The following ATP8B1 variants were observed in gnomAD, a reference collection of about 807,000 sequenced individuals.
ATP8B1 encodes ATPase phospholipid transporting 8B1.
ATP8B1 carries 80 observed loss-of-function variants against 149.9 expected under a neutral mutation model. The ratio of observed to expected loss-of-function variants is 0.53; its 90% CI spans 0.45 to 0.64. The LOEUF (loss-of-function observed/expected upper bound fraction) is 0.64, where lower values mean the gene tolerates loss of function less well. Ranked by LOEUF, ATP8B1 falls within the 30% of genes least tolerant of loss-of-function variation. The pLI, the probability that ATP8B1 is intolerant of heterozygous loss-of-function variation, is 0.00. For synonymous variants in ATP8B1, 536 were observed against 562.8 expected, an observed-to-expected ratio of 0.95 and a Z score of 0.67; for missense variants, 1,247 against 1,552.6, an observed-to-expected ratio of 0.80 and a Z score of 3.31.
chr18:57,704,504 G>T, intron 4 of ATP8B1, 51 bp downstream of exon 4: 2 of 1,211,318 alleles, frequency 1.7e-6, no homozygotes, highest in Non-Finnish European at 1.2e-6. Context: ...CAGCTTAAAT[G>T]TTATCGAGTC....
At chr18:57,759,466 C>T (rs1175977429) in intron 1 of ATP8B1, among the ~76,000 whole-genome samples, 1 of 152,096 alleles carries the variant, frequency 6.6e-6, no homozygotes, top group Admixed American at 6.6e-5. Flanking sequence ...CCTTGTGAAC[C>T]TTTAATCCCT....
chr18:57,787,734 CAG>C (rs1198039163), intron 1 of ATP8B1, among the ~76,000 whole-genome samples: 6 of 152,290 alleles, frequency 3.9e-5, no homozygotes, highest in Middle Eastern at 3.4e-3. Context: ...TGTCAAACCT[CAG>C]GGGTTAGATA....
chr18:57,701,799 G>A (rs961509786), intron 4 of ATP8B1, among the ~76,000 whole-genome samples: 4 of 151,622 alleles, frequency 2.6e-5, no homozygotes, highest in Admixed American at 1.3e-4. Flanking sequence ...AGGCTCAAGC[G>A]ATTCTCCTGC....
intron 15 of ATP8B1, among the ~76,000 whole-genome samples, chr18:57,680,070 G>A (rs1911851515): frequency 6.6e-6 from 1 of 150,768 alleles, no homozygotes. Flanking sequence ...GAGGTTAGGA[G>A]TTCAAGACAA....
chr18:57,661,908 C>A (rs1311238245), intron 21 of ATP8B1, among the ~76,000 whole-genome samples: 1 of 151,690 alleles, frequency 6.6e-6, no homozygotes, highest in Non-Finnish European at 1.5e-5. Flanking sequence ...TTAGTAGAGA[C>A]GGGGTTTCAC....
intron 1 of ATP8B1, among the ~76,000 whole-genome samples, chr18:57,783,874 AG>A (rs1264573795): frequency 2.0e-5 from 3 of 152,100 alleles, no homozygotes; most frequent in African/African-American, 7.2e-5. Flanking sequence ...TAAGCATTGA[AG>A]AAAACACAGA....
chr18:57,780,781 A>G (rs945960483), intron 1 of ATP8B1, among the ~76,000 whole-genome samples: 1 of 152,222 alleles, frequency 6.6e-6, no homozygotes, highest in African/African-American at 2.4e-5. Context: ...TTTCACCCCA[A>G]CAGAAGGAAG....
chr18:57,732,215 G>GTATATATA (rs2079783095), intron 1 of ATP8B1, among the ~76,000 whole-genome samples: 1 of 40,654 alleles, frequency 2.5e-5, no homozygotes, highest in African/African-American at 7.6e-5. Flanking sequence ...ATGTATATAT[G>GTATATATA]TGTATATATG....
At chr18:57,685,332 G>T (rs1010822692) in intron 13 of ATP8B1, among the ~76,000 whole-genome samples, 1 of 151,962 alleles carries the variant, frequency 6.6e-6, no homozygotes, top group African/African-American at 2.4e-5. Flanking sequence ...TTCTCCTAGG[G>T]GCCTGAATCA....
chr18:57,779,032 G>GTT (rs1414129960), intron 1 of ATP8B1, among the ~76,000 whole-genome samples: 1 of 152,162 alleles, frequency 6.6e-6, no homozygotes, highest in Non-Finnish European at 1.5e-5. Flanking sequence ...AGCATAAGAA[G>GTT]TTTAGCAGGG....
intron 2 of ATP8B1, among the ~76,000 whole-genome samples, chr18:57,711,443 T>TA (rs1913681971): frequency 6.6e-6 from 1 of 152,226 alleles, no homozygotes; most frequent in African/African-American, 2.4e-5. Context: ...TCATACACAA[T>TA]ATGAATGCAT....
intron 4 of ATP8B1, 58 bp from the exon 5 acceptor site, chr18:57,701,371 A>T (rs1036336363): frequency 3.7e-5 from 53 of 1,445,744 alleles, no homozygotes; most frequent in Non-Finnish European, 4.8e-5. Context: ...GCTTACAGGT[A>T]ACTTATTGCT....
intron 2 of ATP8B1, 33 bp from the exon 3 acceptor site, chr18:57,706,620 G>A (rs1299468985): frequency 5.9e-6 from 9 of 1,527,186 alleles, no homozygotes; most frequent in Non-Finnish European, 6.3e-6. Context: ...TTCGTAAGTA[G>A]CAAATTAACA....
At chr18:57,651,461 C>A (rs1909612025) in intron 26 of ATP8B1, among the ~76,000 whole-genome samples, 1 of 152,024 alleles carries the variant, frequency 6.6e-6, no homozygotes, top group African/African-American at 2.4e-5. Context: ...CCTTTTAAGT[C>A]TTAAGTTATC....
At chr18:57,675,903 C>T (rs1160670550) in intron 15 of ATP8B1, among the ~76,000 whole-genome samples, 3 of 152,102 alleles carry the variant, frequency 2.0e-5, no homozygotes, top group Non-Finnish European at 2.9e-5. Flanking sequence ...GACGGGGTTT[C>T]ACCATGTTGC....
intron 1 of ATP8B1, among the ~76,000 whole-genome samples, chr18:57,746,915 A>G (rs1018853912): frequency 2.6e-5 from 4 of 152,210 alleles, no homozygotes; most frequent in Non-Finnish European, 4.4e-5. Flanking sequence ...TTGCATGTCA[A>G]GGCAGAAGAG....
In ATP8B1 at chr18:57,706,371, T is replaced by A. The variant is rs1028400682; in HGVS notation, c.279+119A>T. 1.8e-5 allele frequency: 14 copies of A among 770,060 alleles called. No individual in the cohort carries two copies. In the South Asian group the frequency reaches 1.9e-4, roughly 11 times the overall value. 47.7% of individuals were successfully genotyped at this position (770,060 alleles called of 1,614,324 possible). On this transcript the variant is annotated intron_variant, in intron 3 of 27. Coordinates refer to ENST00000648908, the MANE Select transcript of ATP8B1 (RefSeq NM_001374385.1). The stretch of plus-strand genomic sequence containing the variant: ...CATTCTATAGAAACAATGATGATTA[T>A]CAGTAGCCCCAGGCAGGTGGTTACG...
chr18:57,650,950 G>C (rs1909573291), intron 26 of ATP8B1, among the ~76,000 whole-genome samples: 1 of 152,088 alleles, frequency 6.6e-6, no homozygotes, highest in Non-Finnish European at 1.5e-5. Context: ...TATCCATTAT[G>C]GCTCAAAGAA....
intron 1 of ATP8B1, among the ~76,000 whole-genome samples, chr18:57,777,160 T>C (rs748713603): frequency 3.3e-5 from 5 of 152,082 alleles, no homozygotes; most frequent in Non-Finnish European, 7.4e-5. Flanking sequence ...ACATTTTTTG[T>C]AGAGATGGGA....
Sources: allele counts gnomAD v4.1 joint callset (sites outside exome capture counted in the v4.1 genomes callset), GRCh38; gene constraint gnomAD v4.1.1; transcripts MANE v1.5; gene names NCBI Gene and HGNC (gene_info 2026-07-23, HGNC 2026-07-21).